Variants in BLTP1 observed in about 807,000 individuals in gnomAD.
The protein encoded by BLTP1 is bridge-like lipid transfer protein family member 1.
the BLTP1 span, chr4:122,353,743 G>A: frequency 3.2e-5 from 48 of 1,506,724 alleles, no homozygotes; most frequent in African/African-American, 9.8e-5. The surrounding 1 kb of genome is among the most constrained non-coding windows in gnomAD (Gnocchi z 4.3). Flanking sequence ...TTATAGCTCT[G>A]AGGCCACAAT....
chr4:122,271,597 A>G, the BLTP1 span: 1 of 1,613,598 alleles, frequency 6.2e-7, no homozygotes, highest in Admixed American at 1.7e-5. Flanking sequence ...ATTCAATTAC[A>G]GTGTCAGAAC....
chr4:122,345,216 CA>C, the BLTP1 span, among the ~76,000 whole-genome samples: 8 of 152,030 alleles, frequency 5.3e-5, no homozygotes, highest in Non-Finnish European at 1.0e-4. Context: ...ATGAATAAGA[CA>C]AGGTCTTATG....
chr4:122,282,858 A>G, the BLTP1 span, among the ~76,000 whole-genome samples: 1 of 152,124 alleles, frequency 6.6e-6, no homozygotes, highest in African/African-American at 2.4e-5. Context: ...ACGAGTTTAT[A>G]TATATAAAAT....
At chr4:122,174,956 ATATACAG>A in the BLTP1 span, 5 of 748,626 alleles carry the variant, frequency 6.7e-6, no homozygotes, top group Non-Finnish European at 8.1e-6. Flanking sequence ...GTCATTCGTT[ATATACAG>A]CAAGGTTTAG....
chr4:122,202,200 A>C, the BLTP1 span, among the ~76,000 whole-genome samples: 1 of 152,108 alleles, frequency 6.6e-6, no homozygotes, highest in Non-Finnish European at 1.5e-5. Context: ...GGCTTGAACC[A>C]ATGTCCCAGT....
the BLTP1 span, among the ~76,000 whole-genome samples, chr4:122,252,713 G>T: frequency 6.6e-6 from 1 of 152,254 alleles, no homozygotes; most frequent in African/African-American, 2.4e-5. Flanking sequence ...GACCTGCCCA[G>T]AGCCTGGCGA....
At chr4:122,183,650 GA>G in the BLTP1 span, 2 of 362,730 alleles carry the variant, frequency 5.5e-6, no homozygotes, top group African/African-American at 4.4e-5. Flanking sequence ...ACAATCACAG[GA>G]ATTTCTTTCT....
At chr4:122,220,403 G>A in the BLTP1 span, 1 of 1,613,040 alleles carries the variant, frequency 6.2e-7, no homozygotes, top group East Asian at 2.2e-5. Flanking sequence ...ATGAAAAAAG[G>A]ATTTAGGGAG....
At chr4:122,162,578 T>G in the BLTP1 span, 1 of 985,362 alleles carries the variant, frequency 1.0e-6, no homozygotes, top group Non-Finnish European at 1.2e-6. Flanking sequence ...GGGATTTGGG[T>G]CAAGCTGTGG....
At chr4:122,229,275 C>G in the BLTP1 span, 2 of 1,507,290 alleles carry the variant, frequency 1.3e-6, no homozygotes, top group South Asian at 2.6e-5. Flanking sequence ...AGTGCTTTTT[C>G]GTTTTTACTA....
chr4:122,178,782 A>G, the BLTP1 span, among the ~76,000 whole-genome samples: 31 of 152,246 alleles, frequency 2.0e-4, no homozygotes, highest in Non-Finnish European at 4.0e-4. Flanking sequence ...AATTTTTCCT[A>G]TGTTCACTGC....
chr4:122,304,892 A>G, the BLTP1 span: 3 of 1,614,038 alleles, frequency 1.9e-6, no homozygotes, highest in South Asian at 2.2e-5. Context: ...CTTCAAACCA[A>G]AGCTTCACCA....
the BLTP1 span, chr4:122,347,810 C>T: frequency 1.3e-6 from 2 of 1,505,494 alleles, no homozygotes; most frequent in Admixed American, 3.4e-5. Context: ...ATCAGTAGCC[C>T]TACAGTGTTC....
At chr4:122,207,941 G>C in the BLTP1 span, 16 of 983,036 alleles carry the variant, frequency 1.6e-5, no homozygotes, top group Non-Finnish European at 1.9e-5. Context: ...TAATTCATAT[G>C]AACTAATTTT....
the BLTP1 span, among the ~76,000 whole-genome samples, chr4:122,311,479 T>C: frequency 6.6e-6 from 1 of 152,134 alleles, no homozygotes; most frequent in Non-Finnish European, 1.5e-5. Flanking sequence ...TTTTTATTAG[T>C]AATAAGTATA....
chr4:122,153,933 A>G, the BLTP1 span: 3 of 908,904 alleles, frequency 3.3e-6, no homozygotes, highest in East Asian at 1.2e-4. Context: ...TTTGTGCATG[A>G]TTAAGTAACG....
the BLTP1 span, chr4:122,227,417 A>G: frequency 1.0e-6 from 1 of 984,448 alleles, no homozygotes; most frequent in Non-Finnish European, 1.2e-6. Context: ...ATTGTGCAAT[A>G]AATACTCTCC....
At chr4:122,298,910 A>T in the BLTP1 span, 16 of 985,358 alleles carry the variant, frequency 1.6e-5, no homozygotes, top group Middle Eastern at 5.2e-4. Context: ...GTATGAGGAA[A>T]ATTATAAAGA....
chr4:122,170,409 C>G, the BLTP1 span: 1 of 979,290 alleles, frequency 1.0e-6, no homozygotes. Flanking sequence ...ATGGTGAAAT[C>G]AGGACATTAC....
Sources: allele counts gnomAD v4.1 joint callset (sites outside exome capture counted in the v4.1 genomes callset), GRCh38; gene constraint gnomAD v4.1.1; non-coding constraint Gnocchi (gnomAD v3.1); transcripts MANE v1.5; gene names NCBI Gene and HGNC (gene_info 2026-07-23, HGNC 2026-07-21).